Variants in RPS15A observed in about 807,000 individuals in gnomAD.
The protein encoded by RPS15A is small ribosomal subunit protein uS8.
For synonymous variants in RPS15A, 55 were observed against 58.5 expected, an observed-to-expected ratio of 0.94 and a Z score of 0.27; for missense variants, 62 against 163.4, an observed-to-expected ratio of 0.38 and a Z score of 3.38.
chr16:18,782,753 T>C lies in RPS15A; in HGVS notation c.*256A>G, dbSNP rs1309615795. The C allele has an allele frequency of 7.4e-6, 2 of 271,978 alleles. No individual in the cohort carries two copies. The highest frequency in any genetic ancestry group is 1.4e-5 in the Non-Finnish European group (2 of 146,584). The allele number at this position is 271,978 out of a possible 1,614,324, so 16.8% of individuals were successfully genotyped here. On this transcript the variant is annotated 3_prime_UTR_variant, in exon 5 of 5. Transcript: ENST00000322989. ...AGAAAAAAAAAAAAAAAAACTGAAATACAACTAAAATATTTAGTGTCAAAT... is the reference window on the plus strand; with the variant it reads ...AGAAAAAAAAAAAAAAAAACTGAAACACAACTAAAATATTTAGTGTCAAAT...
Position 18,788,788 on chromosome 16 carries a change from C to T in RPS15A, c.133+193G>A, listed in dbSNP as rs187085510. Reference sequence around the variant, plus strand: ...AGCTCCCAAACACCTAGCAGAGCTCCTTTTTCCAGCAGTCCTACTCTAAGT... The same window carrying T: ...AGCTCCCAAACACCTAGCAGAGCTCTTTTTTCCAGCAGTCCTACTCTAAGT... On this transcript the variant is annotated intron_variant, in intron 2 of 4. Transcript: ENST00000322989. The T allele has an allele frequency of 8.8e-6, 5 of 565,834 alleles. No individual in the cohort carries two copies. The African/African-American group carries it at 9.5e-5, about 11-fold the overall frequency. 35.1% of individuals were successfully genotyped at this position (565,834 alleles called of 1,614,324 possible).
chr16:18,783,219 G>A, intron 4 of RPS15A, 117 bp from the exon 5 acceptor site: 1 of 654,748 alleles, frequency 1.5e-6, no homozygotes, highest in Non-Finnish European at 2.7e-6. Flanking sequence ...GGGGCACATA[G>A]GAACTGACAG....
At chr16:18,784,080 A>C (rs1460857894) in intron 4 of RPS15A, 3 of 186,202 alleles carry the variant, frequency 1.6e-5, no homozygotes, top group Non-Finnish European at 3.4e-5. Flanking sequence ...AGCTCAACAC[A>C]TGAAATGTGG....
Position 18,782,811 on chromosome 16 carries a change from T to C in RPS15A, c.*198A>G, listed in dbSNP as rs868834896. 16 of 510,006 alleles carry C rather than the reference T, an allele frequency of 3.1e-5. No homozygotes were observed. In the Middle Eastern group the frequency reaches 2.6e-3, roughly 83 times the overall value. 31.6% of individuals were successfully genotyped at this position (510,006 alleles called of 1,614,324 possible). On this transcript the variant is annotated 3_prime_UTR_variant, in exon 5 of 5. Transcript: ENST00000322989. ...TTTGGCAGACAGCAGGGGTGACTGT[T>C]TCTTAGGCATACTGGTTTCATAAGA...
Position 18,782,758 on chromosome 16 carries a change from C to T in RPS15A, c.*251G>A, listed in dbSNP as rs12926769. The T allele has an allele frequency of 1.9e-3, 522 of 279,904 alleles. 1 individual carries two copies. Among genetic ancestry groups the T allele is most frequent in the Non-Finnish European group, 2.7e-3 (411 of 151,032 alleles). The allele number at this position is 279,904 out of a possible 1,614,324, so 17.3% of individuals were successfully genotyped here. ...AAAAAAAAAAAAAACTGAAATACAA[C>T]TAAAATATTTAGTGTCAAATACCTG... On this transcript the variant is annotated 3_prime_UTR_variant, in exon 5 of 5. Coordinates refer to ENST00000322989, the MANE Select transcript of RPS15A (RefSeq NM_001019.5).
In RPS15A at chr16:18,786,273, G is replaced by A. The variant is rs147031826; in HGVS notation, c.214-1450C>T. ...TCAGCTACTAGGGAGGCTGAGGCAG[G>A]AGAATCGCTTGAACCTGGGAGACAG... On this transcript the variant is annotated intron_variant, in intron 3 of 4. Transcript: ENST00000322989. 527 of 206,816 alleles carry A rather than the reference G, an allele frequency of 2.5e-3. 4 individuals carry two copies. The highest frequency in any genetic ancestry group is 0.012 in the African/African-American group (501 of 42,102). The allele number at this position is 206,816 out of a possible 1,614,324, so 12.8% of individuals were successfully genotyped here. A position where few individuals can be genotyped will look rare whatever the true frequency, so the allele number is the denominator to read the frequency against.
intron 2 of RPS15A, 96 bp downstream of exon 2, chr16:18,788,885 A>T: frequency 7.8e-7 from 1 of 1,287,400 alleles, no homozygotes; most frequent in Non-Finnish European, 1.1e-6. Context: ...CTCAGGTATG[A>T]CAGACATACT....
At chr16:18,787,240 CAG>C (rs1209546242) in intron 3 of RPS15A, among the ~76,000 whole-genome samples, 1 of 152,208 alleles carries the variant, frequency 6.6e-6, no homozygotes, top group African/African-American at 2.4e-5. Context: ...GCAATAAACA[CAG>C]GGGTGTCCAA....
intron 1 of RPS15A, chr16:18,789,940 G>A (rs974587514): frequency 6.6e-6 from 1 of 152,298 alleles, no homozygotes; most frequent in Non-Finnish European, 1.5e-5. Flanking sequence ...CGCGGCCGCA[G>A]CAGTGAGAAG....
At chr16:18,788,842 T>C in intron 2 of RPS15A, 139 bp downstream of exon 2, 2 of 856,188 alleles carry the variant, frequency 2.3e-6, no homozygotes, top group Admixed American at 5.3e-5. Context: ...GACTATCCCC[T>C]CCTCCACAGC....
chr16:18,788,452 C>T (rs1404637182), intron 2 of RPS15A: 2 of 338,228 alleles, frequency 5.9e-6, no homozygotes, highest in Admixed American at 4.6e-5. Context: ...CCAATCTTTC[C>T]TCTCAAAGAG....
At chr16:18,785,641 T>C (rs1319119581) in intron 3 of RPS15A, 1 of 152,234 alleles carries the variant, frequency 6.6e-6, no homozygotes, top group Non-Finnish European at 1.5e-5. Context: ...AAAATGGGCT[T>C]GTCAGAAAGG....
intron 2 of RPS15A, 61 bp downstream of exon 2, chr16:18,788,920 C>T: frequency 1.3e-6 from 2 of 1,551,032 alleles, no homozygotes; most frequent in African/African-American, 2.7e-5. Flanking sequence ...TTAATTTCTA[C>T]AGGACTGATT....
intron 3 of RPS15A, chr16:18,785,608 CAG>C (rs1431243383): frequency 2.0e-5 from 3 of 152,234 alleles, no homozygotes; most frequent in African/African-American, 7.2e-5. Context: ...CTTCCAAAAG[CAG>C]AGATTGACCC....
At chr16:18,784,489 G>A (rs1904015838) in intron 4 of RPS15A, 1 of 382,124 alleles carries the variant, frequency 2.6e-6, no homozygotes, top group South Asian at 3.9e-5. Flanking sequence ...CAGGTGATCC[G>A]CCTGCCTCAG....
At chr16:18,787,828 T>A (rs2029918005) in intron 3 of RPS15A, among the ~76,000 whole-genome samples, 1 of 152,064 alleles carries the variant, frequency 6.6e-6, no homozygotes, top group South Asian at 2.1e-4. Flanking sequence ...TCACCCCCCA[T>A]CTCTCCTGAG....
chr16:18,788,192 T>C, intron 2 of RPS15A, 50 bp from the exon 3 acceptor site: 1 of 1,154,748 alleles, frequency 8.7e-7, no homozygotes. Context: ...ACTTGAGAGC[T>C]AAACCTCTGT....
intron 1 of RPS15A, among the ~76,000 whole-genome samples, chr16:18,789,659 C>T (rs1255818694): frequency 1.3e-5 from 2 of 152,202 alleles, no homozygotes; most frequent in Non-Finnish European, 2.9e-5. Context: ...AAAATTGCGT[C>T]CAACAGCAAG....
intron 3 of RPS15A, chr16:18,785,572 A>G (rs1904034434): frequency 6.6e-6 from 1 of 152,202 alleles, no homozygotes; most frequent in Non-Finnish European, 1.5e-5. Context: ...AATCTGCTCT[A>G]AAATCACAGG....
Sources: gnomAD v4.1 joint callset for allele counts (sites outside exome capture counted in the v4.1 genomes callset) on GRCh38, gnomAD v4.1.1 for gene constraint, MANE v1.5 for transcripts, NCBI Gene and HGNC (gene_info 2026-07-23, HGNC 2026-07-21) for gene names.